COBL: variants seen among roughly 807,000 people sequenced by gnomAD.
COBL encodes cordon-bleu WH2 repeat protein, also known as protein cordon-bleu.
In COBL, 51 loss-of-function variants were observed where a neutral mutation model predicts 98.8. That is an observed-to-expected ratio of 0.52 (90% confidence interval 0.41 to 0.65). COBL has a LOEUF of 0.65. COBL is among the 30% of genes least tolerant of loss of function. The pLI is 0.00. For synonymous variants in COBL, 634 were observed against 651.7 expected, an observed-to-expected ratio of 0.97 and a Z score of 0.41; for missense variants, 1,617 against 1,617.5, an observed-to-expected ratio of 1.00 and a Z score of 0.01.
chr7:51,246,784 G>T (rs540522748), intron 1 of COBL, among the ~76,000 whole-genome samples: 1 of 152,244 alleles, frequency 6.6e-6, no homozygotes, highest in African/African-American at 2.4e-5. Context: ...CCAGAGTTTG[G>T]CAAGAACAAA....
intron 2 of COBL, among the ~76,000 whole-genome samples, chr7:51,211,080 C>T (rs545605833): frequency 6.6e-6 from 1 of 152,282 alleles, no homozygotes; most frequent in South Asian, 2.1e-4. Flanking sequence ...CAAGTGCATC[C>T]CTCCACAAGA....
chr7:51,177,092 T>G (rs1393976853), intron 5 of COBL, among the ~76,000 whole-genome samples: 1 of 152,184 alleles, frequency 6.6e-6, no homozygotes, highest in Non-Finnish European at 1.5e-5. Context: ...ATAAAACTGT[T>G]GCTTCTGTGA....
chr7:51,304,125 G>T (rs561684999), intron 1 of COBL, among the ~76,000 whole-genome samples: 1 of 152,186 alleles, frequency 6.6e-6, no homozygotes, highest in Non-Finnish European at 1.5e-5. Context: ...AGGTCAGCTT[G>T]GAAAGTGATG....
intron 1 of COBL, among the ~76,000 whole-genome samples, chr7:51,250,771 A>G (rs1796662455): frequency 6.6e-6 from 1 of 152,222 alleles, no homozygotes; most frequent in Admixed American, 6.5e-5. Context: ...ACACAAAGCT[A>G]TGGATGCACA....
chr7:51,294,507 G>T (rs2129192452), intron 1 of COBL, among the ~76,000 whole-genome samples: 1 of 151,602 alleles, frequency 6.6e-6, no homozygotes, highest in South Asian at 2.1e-4. Context: ...GCTGGGTGTG[G>T]AGGCACATGC....
intron 1 of COBL, among the ~76,000 whole-genome samples, chr7:51,287,156 A>C (rs1475065687): frequency 6.6e-6 from 1 of 152,096 alleles, no homozygotes; most frequent in East Asian, 1.9e-4. Context: ...CACTACCTGG[A>C]TAATAGGATC....
chr7:51,230,161 C>T (rs1286918764), intron 1 of COBL, among the ~76,000 whole-genome samples: 2 of 152,162 alleles, frequency 1.3e-5, no homozygotes, highest in Non-Finnish European at 2.9e-5. Context: ...AGACACACAC[C>T]TCCTCCAAGC....
rs112201499 is a variant in COBL, at chr7:51,251,019, C to G, written c.42-31075G>C. On this transcript the variant is annotated intron_variant, in intron 1 of 12. Transcript: ENST00000265136. ...TTAAATTACTATTGAAAATAATTGA[C>G]CTATTTGTGATGATTTTTACAGTGC... Among the ~76,000 whole-genome samples, 8 of 152,186 alleles carry G rather than the reference C, an allele frequency of 5.3e-5. No individual in the cohort carries two copies. The South Asian group carries it at 1.2e-3, about 24-fold the overall frequency.
chr7:51,081,662 A>G (rs76886867), intron 7 of COBL, among the ~76,000 whole-genome samples: 15,898 of 152,216 alleles, frequency 0.1, 951 homozygotes, highest in South Asian at 0.13. Flanking sequence ...CATCCTGTGC[A>G]GGCTGCCACA....
intron 1 of COBL, among the ~76,000 whole-genome samples, chr7:51,290,602 C>T (rs866261141): frequency 3.3e-5 from 5 of 151,996 alleles, no homozygotes; most frequent in Non-Finnish European, 7.4e-5. Context: ...AGGCTCGCCC[C>T]ACCCTGCTTA....
At chr7:51,036,663 A>C (rs1229379795) in intron 8 of COBL, among the ~76,000 whole-genome samples, 2 of 152,176 alleles carry the variant, frequency 1.3e-5, no homozygotes, top group Non-Finnish European at 2.9e-5. Context: ...GCAGGCACCA[A>C]CAAGTGGGGG....
At chr7:51,151,129 A>G (rs1325924423) in intron 5 of COBL, among the ~76,000 whole-genome samples, 1 of 152,028 alleles carries the variant, frequency 6.6e-6, no homozygotes, top group Non-Finnish European at 1.5e-5. Flanking sequence ...GCCACTGAAA[A>G]TCCTCGGCTC....
chr7:51,060,828 T>A (rs1467964166), intron 7 of COBL, among the ~76,000 whole-genome samples: 1 of 152,124 alleles, frequency 6.6e-6, no homozygotes, highest in Non-Finnish European at 1.5e-5. Context: ...CTCCTCAGGC[T>A]TTTGAGTCAA....
rs1294971408 is a variant in COBL at position 51,029,801 on chromosome 7, A to C, written c.1505-210T>G. 3.3e-5 allele frequency among the ~76,000 whole-genome samples: 5 copies of C among 152,222 alleles called. No homozygotes were observed. The East Asian group carries it at 9.6e-4, about 29-fold the overall frequency. On this transcript the variant is annotated intron_variant, in intron 9 of 12. Transcript: ENST00000265136. The stretch of plus-strand genomic sequence containing the variant: ...CAACACAGCTGTTTGCAGATCCATG[A>C]TGTTTCAAGGCAAGGTATTCAGTTA...
At chr7:51,312,880 T>C (rs1415310496) in intron 1 of COBL, among the ~76,000 whole-genome samples, 2 of 152,174 alleles carry the variant, frequency 1.3e-5, no homozygotes, top group African/African-American at 4.8e-5. Flanking sequence ...TCTATCCCCT[T>C]TATAGAACCA....
chr7:51,024,789 C>T (rs1787347381), intron 12 of COBL, among the ~76,000 whole-genome samples: 1 of 152,118 alleles, frequency 6.6e-6, no homozygotes, highest in East Asian at 1.9e-4. Flanking sequence ...TCTCCATGGA[C>T]CAGTAGAAAC....
Position 51,017,598 on chromosome 7 carries a change from G to C in COBL, c.3769-30C>G, listed in dbSNP as rs370677458. 5.0e-6 allele frequency: 8 copies of C among 1,612,918 alleles called. No homozygotes were observed. The African/African-American group carries it at 1.1e-4, about 22-fold the overall frequency. ...AGGGAAGAGAGATTCACAGTTATTTGGTATGTCAATAAGCCCAGGATGCAG... is the reference window on the plus strand; with the variant it reads ...AGGGAAGAGAGATTCACAGTTATTTCGTATGTCAATAAGCCCAGGATGCAG... On this transcript the variant is annotated intron_variant, in intron 12 of 12. Transcript: ENST00000265136.
At chr7:51,266,059 G>A (rs1798171108) in intron 1 of COBL, among the ~76,000 whole-genome samples, 1 of 151,874 alleles carries the variant, frequency 6.6e-6, no homozygotes, top group South Asian at 2.1e-4. Flanking sequence ...TCATTACACA[G>A]AAAGGCAAAT....
At chr7:51,193,266 A>T (rs368811313) in intron 3 of COBL, 113 bp downstream of exon 3, 1 of 892,978 alleles carries the variant, frequency 1.1e-6, no homozygotes. Flanking sequence ...TGAAAGTAGC[A>T]GCCTCAGCCA....
Sources: allele counts gnomAD v4.1 joint callset (sites outside exome capture counted in the v4.1 genomes callset), GRCh38; gene constraint gnomAD v4.1.1; transcripts MANE v1.5; gene names NCBI Gene and HGNC (gene_info 2026-07-23, HGNC 2026-07-21).